The following ZMAT4 variants were observed in gnomAD, a reference collection of about 807,000 sequenced individuals.
ZMAT4 encodes the protein zinc finger matrin-type protein 4.
In ZMAT4, 17 loss-of-function variants were observed where a neutral mutation model predicts 28.7. The ratio of observed to expected loss-of-function variants is 0.59; its 90% CI spans 0.41 to 0.89. The LOEUF is 0.89. Ranked by LOEUF, ZMAT4 falls within the 40% of genes least tolerant of loss-of-function variation. The pLI is 0.00. For synonymous variants in ZMAT4, 117 were observed against 109.2 expected (o/e 1.07, Z -0.44); for missense variants, 240 against 283.8 (o/e 0.85, Z 1.11).
At chr8:40,613,741 C>T (rs897247084) in intron 5 of ZMAT4, among the ~76,000 whole-genome samples, 9 of 152,132 alleles carry the variant, frequency 5.9e-5, no homozygotes, top group African/African-American at 1.2e-4. Context: ...CCAGGCCAGG[C>T]GCATGCCCTG....
intron 5 of ZMAT4, among the ~76,000 whole-genome samples, chr8:40,654,156 G>T (rs1807812262): frequency 6.6e-6 from 1 of 152,138 alleles, no homozygotes; most frequent in Non-Finnish European, 1.5e-5. Context: ...AATAAATCTT[G>T]TAGCTATAAA....
intron 6 of ZMAT4, among the ~76,000 whole-genome samples, chr8:40,534,526 A>G (rs1585651861): frequency 6.6e-6 from 1 of 152,224 alleles, no homozygotes; most frequent in African/African-American, 2.4e-5. Flanking sequence ...GTTCTCTGAC[A>G]GCCTTAAATA....
At chr8:40,830,192 A>T (rs1032421423) in intron 1 of ZMAT4, among the ~76,000 whole-genome samples, 1 of 152,118 alleles carries the variant, frequency 6.6e-6, no homozygotes, top group Non-Finnish European at 1.5e-5. Context: ...TTCTTTTTAA[A>T]TTTTTATTTT....
intron 3 of ZMAT4, among the ~76,000 whole-genome samples, chr8:40,735,439 C>T (rs776944951): frequency 1.3e-5 from 2 of 152,088 alleles, no homozygotes; most frequent in Non-Finnish European, 2.9e-5. Context: ...AGTTTTTGTG[C>T]TCATAGAGTC....
Position 40,791,278 on chromosome 8 carries a change from C to T in ZMAT4, c.103-23548G>A, listed in dbSNP as rs540666968. 9.2e-5 allele frequency among the ~76,000 whole-genome samples: 14 copies of T among 152,250 alleles called. No individual in the cohort carries two copies. The South Asian group carries it at 2.9e-3, about 32-fold the overall frequency. The stretch of plus-strand genomic sequence containing the variant: ...AGAGTGCAGGGGAGCACAGATGTGA[C>T]CAGGTTCCAAAATCATGATGGAATA... On this transcript the variant is annotated intron_variant, in intron 2 of 6. Coordinates refer to ENST00000297737, the MANE Select transcript of ZMAT4 (RefSeq NM_024645.3).
chr8:40,640,542 C>A (rs777293554), intron 5 of ZMAT4, among the ~76,000 whole-genome samples: 1 of 151,922 alleles, frequency 6.6e-6, no homozygotes, highest in Non-Finnish European at 1.5e-5. Flanking sequence ...TTTGGTTTGC[C>A]AAGTAATTTT....
intron 1 of ZMAT4, among the ~76,000 whole-genome samples, chr8:40,870,429 A>G (rs1817816739): frequency 6.6e-6 from 1 of 152,224 alleles, no homozygotes. Flanking sequence ...CGTCAGTTTA[A>G]TTTGTAGCCC....
At chr8:40,605,763 T>C (rs947711522) in intron 5 of ZMAT4, among the ~76,000 whole-genome samples, 1 of 152,196 alleles carries the variant, frequency 6.6e-6, no homozygotes, top group South Asian at 2.1e-4. Flanking sequence ...CAGTGGAGTA[T>C]TGAAATTTCC....
rs148639519 is a variant in ZMAT4, at chr8:40,772,931, G to A, written c.103-5201C>T. ...TTCCTGCAAAACAACCGGCTGATGC[G>A]AGATGAGGGACTCCATCACACAGGA... On this transcript the variant is annotated intron_variant, in intron 2 of 6. Coordinates refer to ENST00000297737, the MANE Select transcript of ZMAT4 (RefSeq NM_024645.3). Among the ~76,000 whole-genome samples, 8 of 152,220 alleles carry A rather than the reference G, an allele frequency of 5.3e-5. No individual in the cohort carries two copies. In the East Asian group the frequency reaches 5.8e-4, roughly 11 times the overall value.
chr8:40,712,551 A>G (rs1420872853), intron 3 of ZMAT4, among the ~76,000 whole-genome samples: 1 of 152,224 alleles, frequency 6.6e-6, no homozygotes, highest in Non-Finnish European at 1.5e-5. Flanking sequence ...TGTGACATCC[A>G]TGCCTACTTA....
intron 1 of ZMAT4, among the ~76,000 whole-genome samples, chr8:40,850,827 A>G (rs921454616): frequency 9.9e-5 from 15 of 152,152 alleles, no homozygotes; most frequent in African/African-American, 3.4e-4. Context: ...CTAGGTCAGC[A>G]CTTCTCAAGT....
At chr8:40,731,571 T>C (rs551111735) in intron 3 of ZMAT4, among the ~76,000 whole-genome samples, 1 of 152,136 alleles carries the variant, frequency 6.6e-6, no homozygotes, top group East Asian at 1.9e-4. Flanking sequence ...AACAGAGAAG[T>C]ACATTCCATT....
At chr8:40,614,593 A>G (rs1805928558) in intron 5 of ZMAT4, among the ~76,000 whole-genome samples, 1 of 152,198 alleles carries the variant, frequency 6.6e-6, no homozygotes, top group Admixed American at 6.5e-5. Flanking sequence ...CACTTGTTTT[A>G]TGAATCTGGG....
At chr8:40,709,667 G>T (rs956972455) in intron 3 of ZMAT4, among the ~76,000 whole-genome samples, 2 of 152,212 alleles carry the variant, frequency 1.3e-5, no homozygotes, top group African/African-American at 4.8e-5. Context: ...GTTCTCATGA[G>T]CTGTCTCTGA....
chr8:40,559,499 C>A (rs187066938), intron 6 of ZMAT4, among the ~76,000 whole-genome samples: 1 of 152,086 alleles, frequency 6.6e-6, no homozygotes, highest in South Asian at 2.1e-4. Flanking sequence ...GTGTACTTGG[C>A]CAACTTGTTT....
chr8:40,655,462 C>A lies in ZMAT4; in HGVS notation c.577+19242G>T, dbSNP rs1167715084. Among the ~76,000 whole-genome samples the A allele has an allele frequency of 8.7e-5, 13 of 149,798 alleles. No individual in the cohort carries two copies. The East Asian group carries it at 1.8e-3, about 20-fold the overall frequency. Reference sequence around the variant, plus strand: ...AAATTGACAATGTGGCTCTAAAATTCATATGAAAATTTAAAAAAACCCAAA... The same window carrying A: ...AAATTGACAATGTGGCTCTAAAATTAATATGAAAATTTAAAAAAACCCAAA... On this transcript the variant is annotated intron_variant, in intron 5 of 6. Transcript: ENST00000297737.
intron 1 of ZMAT4, among the ~76,000 whole-genome samples, chr8:40,868,448 G>A (rs1020153534): frequency 1.3e-5 from 2 of 152,108 alleles, no homozygotes; most frequent in Non-Finnish European, 2.9e-5. Context: ...ACCTATGTCT[G>A]CACTGTCTGA....
chr8:40,727,831 A>C (rs1387152088), intron 3 of ZMAT4, among the ~76,000 whole-genome samples: 3 of 152,212 alleles, frequency 2.0e-5, no homozygotes, highest in Non-Finnish European at 4.4e-5. Flanking sequence ...AAATCCCTTC[A>C]AGGTCTGAGA....
chr8:40,609,706 C>A (rs1428258590), intron 5 of ZMAT4, among the ~76,000 whole-genome samples: 1 of 151,782 alleles, frequency 6.6e-6, no homozygotes, highest in Non-Finnish European at 1.5e-5. Context: ...CTTACCTATT[C>A]TCACTTTCTT....
Sources: gnomAD v4.1 joint callset for allele counts (sites outside exome capture counted in the v4.1 genomes callset) on GRCh38, gnomAD v4.1.1 for gene constraint, MANE v1.5 for transcripts, NCBI Gene and HGNC (gene_info 2026-07-23, HGNC 2026-07-21) for gene names.